Variants in RANBP2 observed in about 807,000 individuals in gnomAD.
RANBP2 encodes the protein E3 SUMO-protein ligase RanBP2.
In RANBP2, 57 loss-of-function variants were observed where a neutral mutation model predicts 303.6. That is an observed-to-expected ratio of 0.19 (90% CI 0.15 to 0.23). The LOEUF is 0.23. Ranked by LOEUF, RANBP2 falls within the 10% of genes least tolerant of loss-of-function variation. The pLI is 1.00. For synonymous variants in RANBP2, 1,167 were observed against 1,301.5 expected (o/e 0.90, Z 2.23); for missense variants, 3,138 against 3,780.8 (o/e 0.83, Z 4.46).
the RANBP2 span, among the ~76,000 whole-genome samples, chr2:109,542,223 T>G: frequency 1.0e-3 from 153 of 152,282 alleles, no homozygotes; most frequent in African/African-American, 3.6e-3. Flanking sequence ...ATTAAAAAAT[T>G]TTTTCTTTGT....
the RANBP2 span, among the ~76,000 whole-genome samples, chr2:108,792,041 A>G: frequency 6.6e-6 from 1 of 152,238 alleles, no homozygotes; most frequent in Admixed American, 6.5e-5. Context: ...AAATAAGTTA[A>G]TAACTGAGTA....
the RANBP2 span, among the ~76,000 whole-genome samples, chr2:109,333,039 G>C: frequency 1.3e-5 from 2 of 152,374 alleles, no homozygotes; most frequent in East Asian, 1.9e-4. Flanking sequence ...GATTGGGAAT[G>C]CGCGTGAGTG....
the RANBP2 span, among the ~76,000 whole-genome samples, chr2:108,851,983 A>G: frequency 6.6e-6 from 1 of 152,216 alleles, no homozygotes; most frequent in Non-Finnish European, 1.5e-5. Context: ...GCCTCTATCA[A>G]TTGCTGAAGC....
At chr2:108,740,377 T>C in intron 6 of RANBP2, 112 bp from the exon 7 acceptor site, 1 of 1,491,200 alleles carries the variant, frequency 6.7e-7, no homozygotes, top group East Asian at 2.3e-5. Context: ...ATTAGTTGAA[T>C]GTGGAAGATG....
chr2:109,431,757 G>T, the RANBP2 span, among the ~76,000 whole-genome samples: 2 of 152,176 alleles, frequency 1.3e-5, no homozygotes, highest in African/African-American at 2.4e-5. Flanking sequence ...TGTGGTCCCA[G>T]CTGCTTAGGA....
the RANBP2 span, among the ~76,000 whole-genome samples, chr2:109,207,955 C>G: frequency 6.6e-6 from 1 of 152,214 alleles, no homozygotes; most frequent in Non-Finnish European, 1.5e-5. Context: ...CCTTCTTTTA[C>G]TCTTACACAG....
the RANBP2 span, among the ~76,000 whole-genome samples, chr2:109,705,722 G>A: frequency 1.3e-5 from 2 of 152,204 alleles, no homozygotes; most frequent in African/African-American, 4.8e-5. Flanking sequence ...GTTCAGTGCA[G>A]TGAACTCCAA....
At chr2:108,823,333 A>G in the RANBP2 span, among the ~76,000 whole-genome samples, 1 of 152,232 alleles carries the variant, frequency 6.6e-6, no homozygotes, top group South Asian at 2.1e-4. Flanking sequence ...CAAAGACGCA[A>G]TAAAAAACTA....
chr2:108,986,902 T>C, the RANBP2 span, among the ~76,000 whole-genome samples: 1 of 152,218 alleles, frequency 6.6e-6, no homozygotes, highest in African/African-American at 2.4e-5. Context: ...ATTGATCTAA[T>C]GTGCTAAGTG....
the RANBP2 span, chr2:109,449,334 G>T: frequency 2.5e-6 from 4 of 1,604,714 alleles, no homozygotes; most frequent in Non-Finnish European, 2.6e-6. Context: ...CCCACGGCCG[G>T]CCATCCCCCT....
the RANBP2 span, among the ~76,000 whole-genome samples, chr2:109,415,803 C>T: frequency 6.6e-6 from 1 of 152,238 alleles, no homozygotes; most frequent in Non-Finnish European, 1.5e-5. Flanking sequence ...CCCTCACCAC[C>T]TCCCTGCTGT....
the RANBP2 span, among the ~76,000 whole-genome samples, chr2:109,509,350 GC>G: frequency 6.6e-6 from 1 of 152,202 alleles, no homozygotes; most frequent in Non-Finnish European, 1.5e-5. Context: ...AAAATACCAT[GC>G]ACTGCGTGGC....
the RANBP2 span, among the ~76,000 whole-genome samples, chr2:109,217,834 C>T: frequency 5.3e-5 from 8 of 152,190 alleles, no homozygotes; most frequent in Non-Finnish European, 1.5e-5. Context: ...ACCAGCTTCC[C>T]CCAGGCAGGG....
the RANBP2 span, among the ~76,000 whole-genome samples, chr2:109,237,498 G>A: frequency 1.3e-5 from 2 of 152,218 alleles, no homozygotes; most frequent in African/African-American, 4.8e-5. Flanking sequence ...AAACAAGCTT[G>A]TCCAACCCGC....
the RANBP2 span, chr2:108,846,626 A>G: frequency 1.8e-5 from 15 of 835,102 alleles, no homozygotes; most frequent in South Asian, 3.5e-5. Context: ...GCAGTGAGCC[A>G]TGATTGCGCT....
At chr2:109,448,513 T>C in the RANBP2 span, among the ~76,000 whole-genome samples, 2 of 152,168 alleles carry the variant, frequency 1.3e-5, no homozygotes, top group African/African-American at 2.4e-5. Flanking sequence ...CATTAGGTTC[T>C]CATAGGAGAG....
chr2:109,702,913 C>T, the RANBP2 span, among the ~76,000 whole-genome samples: 3 of 151,854 alleles, frequency 2.0e-5, no homozygotes, highest in African/African-American at 7.2e-5. Flanking sequence ...ACCTCAGCTC[C>T]GGTATGAGTA....
the RANBP2 span, among the ~76,000 whole-genome samples, chr2:109,664,512 G>T: frequency 1.3e-5 from 2 of 152,152 alleles, no homozygotes; most frequent in African/African-American, 4.8e-5. Flanking sequence ...GCTGAGGTGG[G>T]AGAATCACTT....
At chr2:108,772,100 G>A (rs974240047) in intron 21 of RANBP2, among the ~76,000 whole-genome samples, 2 of 152,224 alleles carry the variant, frequency 1.3e-5, no homozygotes, top group African/African-American at 4.8e-5. Context: ...CACGTGTTTT[G>A]AGGGGATTTA....
Sources: gnomAD v4.1 joint callset for allele counts (sites outside exome capture counted in the v4.1 genomes callset) on GRCh38, gnomAD v4.1.1 for gene constraint, MANE v1.5 for transcripts, NCBI Gene and HGNC (gene_info 2026-07-23, HGNC 2026-07-21) for gene names.